LAMA2: variants seen among roughly 807,000 people sequenced by gnomAD.
The protein encoded by LAMA2 is laminin subunit alpha-2.
Under a neutral mutation model 364.8 loss-of-function variants are expected in LAMA2, and 269 were observed. That is an observed-to-expected ratio of 0.74 (90% CI 0.67 to 0.82). The LOEUF (loss-of-function observed/expected upper bound fraction) is 0.82. Among genes scored for constraint, LAMA2 ranks in the 40% least tolerant of loss-of-function variants. The pLI is 0.00. For synonymous variants in LAMA2, 1,379 were observed against 1,370.6 expected (o/e 1.01, Z -0.14); for missense variants, 3,807 against 3,873.2 (o/e 0.98, Z 0.45).
intron 1 of LAMA2, among the ~76,000 whole-genome samples, chr6:128,925,598 A>G (rs1196798768): frequency 6.6e-6 from 1 of 152,218 alleles, no homozygotes; most frequent in African/African-American, 2.4e-5. Context: ...TGGTTGCACA[A>G]CAATGTGAAG....
At chr6:128,953,295 T>C (rs1780947435) in intron 1 of LAMA2, among the ~76,000 whole-genome samples, 1 of 152,198 alleles carries the variant, frequency 6.6e-6, no homozygotes, top group Non-Finnish European at 1.5e-5. Flanking sequence ...TGAAAAACTA[T>C]CTTCTTGATT....
chr6:129,431,418 A>G (rs1308969251), intron 41 of LAMA2, among the ~76,000 whole-genome samples: 1 of 151,404 alleles, frequency 6.6e-6, no homozygotes, highest in East Asian at 1.9e-4. Context: ...AAAAAAAACT[A>G]GGTAACATAC....
intron 1 of LAMA2, among the ~76,000 whole-genome samples, chr6:128,885,855 TG>T (rs1437545693): frequency 3.9e-5 from 6 of 152,188 alleles, no homozygotes; most frequent in Non-Finnish European, 5.9e-5. Flanking sequence ...TCAGCAAGAA[TG>T]ATATTCCAAG....
chr6:129,109,008 T>C (rs988667879), intron 4 of LAMA2, among the ~76,000 whole-genome samples: 2 of 152,160 alleles, frequency 1.3e-5, no homozygotes, highest in Non-Finnish European at 2.9e-5. Context: ...TTTGCATCCA[T>C]TATAACATTA....
intron 41 of LAMA2, among the ~76,000 whole-genome samples, chr6:129,435,885 G>T (rs1349300025): frequency 6.6e-6 from 1 of 152,100 alleles, no homozygotes; most frequent in African/African-American, 2.4e-5. Flanking sequence ...TTCTCCAGCT[G>T]CCCATGGCCT....
chr6:129,452,937 A>G, intron 45 of LAMA2, 51 bp from the exon 46 acceptor site: 2 of 1,564,788 alleles, frequency 1.3e-6, no homozygotes, highest in Non-Finnish European at 1.8e-6. Flanking sequence ...AGCTACTTCA[A>G]ACTTTCTGAG....
rs538546406 is a variant in LAMA2 at position 129,498,679 on chromosome 6, A to G, written c.8245-3980A>G. 1.4e-3 allele frequency among the ~76,000 whole-genome samples: 215 copies of G among 152,322 alleles called. 1 individual carries two copies. Among genetic ancestry groups the G allele is most frequent in the Non-Finnish European group, 2.3e-3 (159 of 67,992 alleles). Reference sequence around the variant, plus strand: ...CCCACATTTATTAGAGAAATTAATTATTGACTCATGAAAGAAGAAAATTAT... The same window carrying G: ...CCCACATTTATTAGAGAAATTAATTGTTGACTCATGAAAGAAGAAAATTAT... On this transcript the variant is annotated intron_variant, in intron 58 of 64. Coordinates refer to ENST00000421865, the MANE Select transcript of LAMA2 (RefSeq NM_000426.4).
intron 1 of LAMA2, among the ~76,000 whole-genome samples, chr6:129,048,440 T>TTTC: frequency 9.6e-6 from 1 of 103,930 alleles, no homozygotes; most frequent in East Asian, 3.0e-4. Flanking sequence ...TTCTTTTTTC[T>TTTC]TTTCTTTCTT....
intron 4 of LAMA2, among the ~76,000 whole-genome samples, chr6:129,105,287 C>T (rs145359765): frequency 9.4e-4 from 143 of 152,220 alleles, no homozygotes; most frequent in African/African-American, 3.1e-3. Flanking sequence ...ACCAAGCCAT[C>T]GAGAGCTACT....
intron 1 of LAMA2, among the ~76,000 whole-genome samples, chr6:128,900,539 G>A (rs986065473): frequency 6.6e-6 from 1 of 152,208 alleles, no homozygotes; most frequent in African/African-American, 2.4e-5. Context: ...TGATACTGTC[G>A]GATGTAGGCA....
rs115461893 is a variant in LAMA2, at chr6:129,301,754, G to T, written c.3174+882G>T. Among the ~76,000 whole-genome samples, 1,301 of 152,188 alleles carry T rather than the reference G, an allele frequency of 8.5e-3. 18 individuals carry two copies. Among genetic ancestry groups the T allele is most frequent in the African/African-American group, 0.03 (1,252 of 41,536 alleles). On this transcript the variant is annotated intron_variant, in intron 22 of 64. Coordinates refer to ENST00000421865, the MANE Select transcript of LAMA2 (RefSeq NM_000426.4). ...TTTATAGTAATGAATTTTAACCAAT[G>T]ATTACAGTGGTGTAATCATCCCTTG...
intron 18 of LAMA2, among the ~76,000 whole-genome samples, chr6:129,285,663 T>A (rs1426396743): frequency 6.6e-6 from 1 of 152,118 alleles, no homozygotes; most frequent in East Asian, 1.9e-4. Context: ...AAATGAGATG[T>A]GAATATATGT....
chr6:129,301,688 A>G (rs1471890139), intron 22 of LAMA2, among the ~76,000 whole-genome samples: 1 of 152,132 alleles, frequency 6.6e-6, no homozygotes, highest in African/African-American at 2.4e-5. Flanking sequence ...TTGCATTTTT[A>G]TCAGCTTTTT....
At chr6:129,420,177 A>G (rs572059631) in intron 40 of LAMA2, among the ~76,000 whole-genome samples, 1 of 152,256 alleles carries the variant, frequency 6.6e-6, no homozygotes, top group East Asian at 1.9e-4. Flanking sequence ...TAACTGTTTC[A>G]TAACTTACTA....
chr6:129,326,421 G>A (rs761028725), intron 28 of LAMA2, among the ~76,000 whole-genome samples: 1 of 151,986 alleles, frequency 6.6e-6, no homozygotes, highest in African/African-American at 2.4e-5. Flanking sequence ...CTTAGGGCTC[G>A]CCTTCACATT....
At chr6:129,238,332 A>G (rs959441224) in intron 12 of LAMA2, among the ~76,000 whole-genome samples, 7 of 152,228 alleles carry the variant, frequency 4.6e-5, no homozygotes, top group Non-Finnish European at 1.0e-4. Context: ...ACTATAGAAC[A>G]TGAAGAATGG....
At chr6:129,339,873 C>T (rs1776161205) in intron 29 of LAMA2, among the ~76,000 whole-genome samples, 1 of 152,024 alleles carries the variant, frequency 6.6e-6, no homozygotes, top group Non-Finnish European at 1.5e-5. Context: ...CATGGTTACG[C>T]ATGCCTGTAA....
At chr6:128,964,438 G>A (rs541770533) in intron 1 of LAMA2, among the ~76,000 whole-genome samples, 7 of 152,126 alleles carry the variant, frequency 4.6e-5, no homozygotes, top group African/African-American at 1.7e-4. Context: ...GTGAATATTG[G>A]CATGATTTTA....
At chr6:129,413,170 C>A (rs1780620348) in intron 40 of LAMA2, among the ~76,000 whole-genome samples, 1 of 151,672 alleles carries the variant, frequency 6.6e-6, no homozygotes, top group Admixed American at 6.6e-5. Flanking sequence ...TAATAGCAAT[C>A]AAAAAGACTT....
Sources: gnomAD v4.1 joint callset for allele counts (sites outside exome capture counted in the v4.1 genomes callset) on GRCh38, gnomAD v4.1.1 for gene constraint, MANE v1.5 for transcripts, NCBI Gene and HGNC (gene_info 2026-07-23, HGNC 2026-07-21) for gene names.